ZFHX3: variants seen among roughly 807,000 people sequenced by gnomAD.
ZFHX3 encodes the protein zinc finger homeobox protein 3.
In ZFHX3, 42 loss-of-function variants were observed where a neutral mutation model predicts 279.1. That is an observed-to-expected ratio of 0.15 (90% confidence interval 0.12 to 0.19). The LOEUF (loss-of-function observed/expected upper bound fraction) is 0.19. Ranked by LOEUF, ZFHX3 falls within the 10% of genes least tolerant of loss-of-function variation. The pLI, the probability that ZFHX3 is intolerant of heterozygous loss-of-function variation, is 1.00. For synonymous variants in ZFHX3, 2,293 were observed against 1,957.8 expected (o/e 1.17, Z -4.52); for missense variants, 4,981 against 4,754.0 (o/e 1.05, Z -1.40).
At chr16:73,843,634 C>T (rs1388862758) in intron 1 of ZFHX3, among the ~76,000 whole-genome samples, 1 of 152,220 alleles carries the variant, frequency 6.6e-6, no homozygotes, top group Admixed American at 6.5e-5. Flanking sequence ...ACAAAGATTG[C>T]TCTCCTCGTA....
intron 4 of ZFHX3, among the ~76,000 whole-genome samples, chr16:73,297,955 G>C (rs2014956239): frequency 1.3e-5 from 2 of 151,730 alleles, no homozygotes; most frequent in Admixed American, 1.3e-4. Flanking sequence ...GAGGCTGAGG[G>C]GGGAAGGTCA....
At chr16:73,482,762 C>T (rs550859778) in intron 2 of ZFHX3, among the ~76,000 whole-genome samples, 1 of 152,326 alleles carries the variant, frequency 6.6e-6, no homozygotes, top group African/African-American at 2.4e-5. Context: ...GATCCCAGTG[C>T]TATTTTCCTT....
At chr16:73,849,246 A>T (rs1961532867) in intron 1 of ZFHX3, among the ~76,000 whole-genome samples, 1 of 152,278 alleles carries the variant, frequency 6.6e-6, no homozygotes, top group South Asian at 2.1e-4. Flanking sequence ...TTTTATATGA[A>T]CTTCTGCTAT....
At chr16:73,336,178 C>T (rs1050496066) in intron 3 of ZFHX3, among the ~76,000 whole-genome samples, 3 of 152,158 alleles carry the variant, frequency 2.0e-5, no homozygotes, top group Non-Finnish European at 4.4e-5. Context: ...TATTAACCTG[C>T]GAAGCACCAG....
intron 3 of ZFHX3, among the ~76,000 whole-genome samples, chr16:72,940,450 G>C (rs1960358528): frequency 6.6e-6 from 1 of 152,158 alleles, no homozygotes; most frequent in South Asian, 2.1e-4. Context: ...GCCAATGCAA[G>C]GATGCCTTCC....
intron 7 of ZFHX3, among the ~76,000 whole-genome samples, chr16:73,109,016 G>A (rs921687964): frequency 2.0e-5 from 3 of 152,158 alleles, no homozygotes; most frequent in Non-Finnish European, 2.9e-5. Flanking sequence ...CTGGCTGGCC[G>A]GAGGCATCCC....
At chr16:73,220,564 C>T (rs965345761) in intron 5 of ZFHX3, among the ~76,000 whole-genome samples, 6 of 152,106 alleles carry the variant, frequency 3.9e-5, no homozygotes, top group South Asian at 2.1e-4. Context: ...ATAGACCAGG[C>T]ACAGTGTGCA....
intron 2 of ZFHX3, among the ~76,000 whole-genome samples, chr16:73,557,094 CAAAAAAAAAAAAAA>C (rs397766441): frequency 4.4e-5 from 3 of 68,552 alleles, no homozygotes; most frequent in South Asian, 5.9e-4. Context: ...GACTCCGTCT[CAAAAAAAAAAAAAA>C]AAAAAAAAAA....
intron 1 of ZFHX3, among the ~76,000 whole-genome samples, chr16:73,715,106 G>A (rs147594850): frequency 6.6e-6 from 1 of 152,272 alleles, no homozygotes; most frequent in Non-Finnish European, 1.5e-5. Flanking sequence ...CAAGCTGGAT[G>A]ACTAGAAATT....
intron 4 of ZFHX3, among the ~76,000 whole-genome samples, chr16:72,888,160 T>C (rs777522269): frequency 1.2e-4 from 19 of 152,210 alleles, no homozygotes; most frequent in Non-Finnish European, 2.5e-4. Flanking sequence ...GAGAGGGCCA[T>C]GCTCTTCTCC....
chr16:72,876,300 C>T (rs946524225), intron 4 of ZFHX3, among the ~76,000 whole-genome samples: 7 of 152,204 alleles, frequency 4.6e-5, no homozygotes, highest in Non-Finnish European at 1.0e-4. Context: ...GATCCAGTCT[C>T]GCTTGAGAAA....
chr16:73,781,484 C>T (rs1259105404), intron 1 of ZFHX3, among the ~76,000 whole-genome samples: 1 of 152,120 alleles, frequency 6.6e-6, no homozygotes, highest in Admixed American at 6.5e-5. Flanking sequence ...TAGAACACAG[C>T]CACACTCATC....
intron 4 of ZFHX3, among the ~76,000 whole-genome samples, chr16:72,849,942 C>T (rs1451679849): frequency 1.4e-5 from 2 of 147,104 alleles, no homozygotes; most frequent in Non-Finnish European, 3.0e-5. Flanking sequence ...AATCACCTTT[C>T]CGTGTTCCAG....
intron 1 of ZFHX3, among the ~76,000 whole-genome samples, chr16:73,886,038 G>A (rs1337047213): frequency 2.0e-5 from 3 of 152,138 alleles, no homozygotes; most frequent in Non-Finnish European, 4.4e-5. Flanking sequence ...GGAATTCAAT[G>A]TAATATTCAT....
intron 1 of ZFHX3, among the ~76,000 whole-genome samples, chr16:73,885,318 A>G (rs2142417775): frequency 6.6e-6 from 1 of 152,312 alleles, no homozygotes; most frequent in African/African-American, 2.4e-5. Flanking sequence ...TATTTTTAAA[A>G]AACTTTTTAT....
At chr16:73,820,372 C>A (rs1960701946) in intron 1 of ZFHX3, among the ~76,000 whole-genome samples, 1 of 152,190 alleles carries the variant, frequency 6.6e-6, no homozygotes, top group African/African-American at 2.4e-5. Flanking sequence ...CACACCCGGC[C>A]TGGGAGTAAC....
At chr16:73,436,633 C>T (rs916448397) in intron 3 of ZFHX3, among the ~76,000 whole-genome samples, 1 of 152,150 alleles carries the variant, frequency 6.6e-6, no homozygotes, top group African/African-American at 2.4e-5. Context: ...TACCCACCCA[C>T]TGCCACTGCT....
At chr16:73,465,523 C>G (rs774556794) in intron 2 of ZFHX3, among the ~76,000 whole-genome samples, 4 of 148,786 alleles carry the variant, frequency 2.7e-5, no homozygotes, top group Non-Finnish European at 4.4e-5. Flanking sequence ...GCTCCTTCTC[C>G]GGTTCCCCAT....
At chr16:73,253,522 G>A (rs1210901469) in intron 5 of ZFHX3, among the ~76,000 whole-genome samples, 4 of 151,362 alleles carry the variant, frequency 2.6e-5, no homozygotes, top group African/African-American at 4.9e-5. Flanking sequence ...CATGATCTCG[G>A]CTCACTGCAA....
Sources: allele counts gnomAD v4.1 joint callset (sites outside exome capture counted in the v4.1 genomes callset), GRCh38; gene constraint gnomAD v4.1.1; transcripts MANE v1.5; gene names NCBI Gene and HGNC (gene_info 2026-07-23, HGNC 2026-07-21).